CABIN1: variants seen among roughly 807,000 people sequenced by gnomAD.
CABIN1 encodes the protein calcineurin-binding protein cabin-1.
Under a neutral mutation model 227.7 loss-of-function variants are expected in CABIN1, and 133 were observed. That is an observed-to-expected ratio of 0.58 (90% CI 0.51 to 0.67). The LOEUF is 0.67. Ranked by LOEUF, CABIN1 falls within the 30% of genes least tolerant of loss-of-function variation. The probability of loss-of-function intolerance (pLI) is 0.00; values close to 1 mark genes in which losing one functional copy is unlikely to be tolerated. For missense variants in CABIN1, 2,408 were observed against 2,852.5 expected (o/e 0.84, Z 3.55); for synonymous variants, 1,086 against 1,155.1 (o/e 0.94, Z 1.21).
At chr22:24,070,471 A>G (rs1811428166) in intron 16 of CABIN1, among the ~76,000 whole-genome samples, 1 of 152,176 alleles carries the variant, frequency 6.6e-6, no homozygotes, top group African/African-American at 2.4e-5. Flanking sequence ...GGGAGAGCTG[A>G]CAGGTGTTGG....
chr22:24,026,205 C>T (rs952905043), intron 1 of CABIN1, among the ~76,000 whole-genome samples: 45 of 152,154 alleles, frequency 3.0e-4, no homozygotes, highest in Non-Finnish European at 5.9e-5. Flanking sequence ...AACTCCTGGG[C>T]TCAAGCAATC....
intron 1 of CABIN1, 66 bp downstream of exon 1, chr22:24,011,433 G>C (rs892948524): frequency 6.5e-6 from 1 of 152,760 alleles, no homozygotes; most frequent in South Asian, 2.1e-4. Flanking sequence ...CAGAGCCCGG[G>C]GCACAGGCCG....
Position 24,177,710 on chromosome 22 carries a change from C to A in CABIN1, c.6412C>A (p.Pro2138Thr). Residue 2138 changes from proline (P) to threonine (T), a missense_variant, in exon 36 of 37, where the codon CCC becomes ACC. Around this residue, in one of 3 missense-constraint regions of CABIN1, gnomAD observed 714 missense variants for 773.8 expected, o/e 0.92. Transcript: ENST00000263119. This position sits in a 1 kb window ranked among gnomAD's most constrained non-coding sequence, Gnocchi z 4.4. ...GCCCAACATGCCAAAGCTGGTCATC[C>A]CCTCCGCCGCCACCAAGTTCCCCCC... ...PLPNMPKLVI[P>T]SAATKFPPEI... 1 of 1,613,160 alleles carries A rather than the reference C, an allele frequency of 6.2e-7. No individual in the cohort carries two copies. The highest frequency in any genetic ancestry group is 8.5e-7 in the Non-Finnish European group (1 of 1,179,300).
intron 16 of CABIN1, among the ~76,000 whole-genome samples, chr22:24,068,521 G>A (rs1046232285): frequency 2.6e-5 from 4 of 152,258 alleles, no homozygotes; most frequent in African/African-American, 4.8e-5. Context: ...TTGGGCAGGC[G>A]CTGAGCTGTG....
chr22:24,126,508 C>G (rs978805177), intron 28 of CABIN1, among the ~76,000 whole-genome samples: 5 of 151,762 alleles, frequency 3.3e-5, no homozygotes, highest in Non-Finnish European at 4.4e-5. Context: ...CTAGAATCTG[C>G]TGGAAGCTGG....
chr22:24,034,913 C>T (rs1029491184), intron 1 of CABIN1, among the ~76,000 whole-genome samples: 3 of 152,194 alleles, frequency 2.0e-5, no homozygotes, highest in Admixed American at 1.3e-4. Flanking sequence ...TCTGTGTTGT[C>T]ACTTGGCCCT....
chr22:24,017,029 T>A (rs1170199622), intron 1 of CABIN1, among the ~76,000 whole-genome samples: 1 of 151,138 alleles, frequency 6.6e-6, no homozygotes, highest in Non-Finnish European at 1.5e-5. Context: ...ATAAGCAACA[T>A]ACAATTTATC....
intron 9 of CABIN1, 42 bp from the exon 10 acceptor site, chr22:24,056,150 C>G (rs757245579): frequency 6.3e-7 from 1 of 1,580,438 alleles, no homozygotes; most frequent in Admixed American, 1.7e-5. Flanking sequence ...TTTTTTTCAT[C>G]CCTGCCACCG....
intron 1 of CABIN1, among the ~76,000 whole-genome samples, chr22:24,021,274 C>T (rs948021369): frequency 2.0e-5 from 3 of 151,926 alleles, no homozygotes; most frequent in Admixed American, 6.6e-5. Context: ...CCAACCCCAG[C>T]CTCCCAAAGT....
intron 15 of CABIN1, among the ~76,000 whole-genome samples, chr22:24,064,636 T>C (rs1487542200): frequency 1.3e-5 from 2 of 150,244 alleles, no homozygotes; most frequent in Non-Finnish European, 3.0e-5. Flanking sequence ...CAAAGGTCTC[T>C]GGTTTTCCTA....
intron 28 of CABIN1, among the ~76,000 whole-genome samples, chr22:24,127,452 G>A (rs2043803290): frequency 6.6e-6 from 1 of 152,202 alleles, no homozygotes. Context: ...CAGCAGAGAT[G>A]GGAGGAGGCC....
chr22:24,082,781 A>G (rs2275980), intron 19 of CABIN1, among the ~76,000 whole-genome samples: 2,689 of 152,314 alleles, frequency 0.018, 85 homozygotes, highest in East Asian at 0.14. Context: ...TTATGTTATA[A>G]TTATTTGTTT....
At chr22:24,160,085 T>C (rs1448579338) in intron 29 of CABIN1, among the ~76,000 whole-genome samples, 1 of 152,168 alleles carries the variant, frequency 6.6e-6, no homozygotes, top group Non-Finnish European at 1.5e-5. Flanking sequence ...TGTCCCACTT[T>C]GCATCACTAG....
chr22:24,081,615 C>A (rs187465269), intron 19 of CABIN1, among the ~76,000 whole-genome samples: 1 of 152,018 alleles, frequency 6.6e-6, no homozygotes, highest in Non-Finnish European at 1.5e-5. Context: ...AGTTCATTAC[C>A]GCTTTAATAT....
intron 33 of CABIN1, among the ~76,000 whole-genome samples, chr22:24,169,666 G>T (rs1015409361): frequency 6.6e-5 from 10 of 152,194 alleles, no homozygotes; most frequent in Admixed American, 6.5e-4. Flanking sequence ...GCAGGCCCAG[G>T]CCCAGGTCCA....
intron 22 of CABIN1, 61 bp downstream of exon 22, chr22:24,085,212 A>G: frequency 6.3e-7 from 1 of 1,592,304 alleles, no homozygotes; most frequent in African/African-American, 1.3e-5. Flanking sequence ...ACTCCAGCTC[A>G]GCAAGCTCTT....
intron 4 of CABIN1, among the ~76,000 whole-genome samples, chr22:24,040,845 G>A (rs1215644903): frequency 2.6e-5 from 4 of 152,276 alleles, no homozygotes; most frequent in East Asian, 1.9e-4. Context: ...AATGTTATTC[G>A]CTAGGCTTGA....
At chr22:24,070,774 C>A in intron 16 of CABIN1, 26 bp from the exon 17 acceptor site, 1 of 1,614,078 alleles carries the variant, frequency 6.2e-7, no homozygotes, top group Non-Finnish European at 8.5e-7. Flanking sequence ...TCACCGTGCA[C>A]TTCACCTGGC....
chr22:24,054,557 A>T (rs919054570), intron 8 of CABIN1, among the ~76,000 whole-genome samples: 1 of 152,166 alleles, frequency 6.6e-6, no homozygotes, highest in East Asian at 1.9e-4. Flanking sequence ...AAGTGAGTCA[A>T]TGGATTTCAT....
Sources: gnomAD v4.1 joint callset for allele counts (sites outside exome capture counted in the v4.1 genomes callset) on GRCh38, gnomAD v4.1.1 for gene constraint, gnomAD v4.1.1 regional missense constraint, Gnocchi (gnomAD v3.1) non-coding constraint, MANE v1.5 for transcripts, NCBI Gene and HGNC (gene_info 2026-07-23, HGNC 2026-07-21) for gene names.